Variants in GFRAL observed in about 807,000 individuals in gnomAD.
GFRAL encodes the protein GDNF family receptor alpha like.
A neutral mutation model predicts 45.4 loss-of-function variants in GFRAL; 36 were observed. The ratio of observed to expected loss-of-function variants is 0.79; its 90% CI spans 0.61 to 1.05. The LOEUF (loss-of-function observed/expected upper bound fraction) is 1.05. GFRAL is among the 50% of genes least tolerant of loss of function. The probability of loss-of-function intolerance (pLI) is 0.00; values close to 1 mark genes in which losing one functional copy is unlikely to be tolerated. For missense variants in GFRAL, 507 were observed against 467.5 expected, an observed-to-expected ratio of 1.08 and a Z score of -0.78; for synonymous variants, 166 against 154.1, an observed-to-expected ratio of 1.08 and a Z score of -0.57.
intron 3 of GFRAL, among the ~76,000 whole-genome samples, chr6:55,343,470 T>C (rs145626789): frequency 0.013 from 1,991 of 152,292 alleles, 23 homozygotes; most frequent in Non-Finnish European, 0.022. Context: ...AGATGTTCTT[T>C]GAAAACAATG....
rs1309495307 is a variant in GFRAL at position 55,346,841 on chromosome 6, C to A, written c.317-3251C>A. Among the ~76,000 whole-genome samples the A allele has an allele frequency of 2.7e-4, 21 of 76,432 alleles. 1 individual carries two copies. The highest frequency in any genetic ancestry group is 7.0e-4 in the African/African-American group (18 of 25,878). 50.1% of individuals were successfully genotyped at this position (76,432 alleles called of 152,430 possible). A position where few individuals can be genotyped will look rare whatever the true frequency, so the allele number is the denominator to read the frequency against. On this transcript the variant is annotated intron_variant, in intron 3 of 8. Coordinates refer to ENST00000340465, the MANE Select transcript of GFRAL (RefSeq NM_207410.2). ...AAAATAAACAAGAAATCCCCCCCCC[C>A]CAAAAAAAAGAAAAAACAAAGTAAG...
chr6:55,399,168 A>G lies in GFRAL; in HGVS notation c.953-12A>G, dbSNP rs1178570477. 2 of 1,430,724 alleles carry G rather than the reference A, an allele frequency of 1.4e-6. No homozygotes were observed. The highest frequency in any genetic ancestry group is 2.3e-5 in the East Asian group (1 of 43,356). 88.6% of individuals were successfully genotyped at this position (1,430,724 alleles called of 1,614,324 possible). ...ATATGTAACTAATCTCATTTTTATGATTTTCTTTCAGATTATCCAACCCTG... is the reference window on the plus strand; with the variant it reads ...ATATGTAACTAATCTCATTTTTATGGTTTTCTTTCAGATTATCCAACCCTG... On this transcript the variant is annotated splice_polypyrimidine_tract_variant and intron_variant, in intron 6 of 8. Transcript: ENST00000340465.
chr6:55,381,490 T>C (rs1768606945), intron 6 of GFRAL, among the ~76,000 whole-genome samples: 1 of 151,940 alleles, frequency 6.6e-6, no homozygotes, highest in African/African-American at 2.4e-5. Flanking sequence ...ACATTTCATC[T>C]GTCTACTCCC....
rs1344373150 is a variant in GFRAL at position 55,350,145 on chromosome 6, G to A, written c.370G>A (p.Gly124Arg). 3 of 1,520,184 alleles carry A rather than the reference G, an allele frequency of 2.0e-6. No homozygotes were observed. Among genetic ancestry groups the A allele is most frequent in the South Asian group, 2.3e-5 (2 of 88,846 alleles). 94.2% of individuals were successfully genotyped at this position (1,520,184 alleles called of 1,614,324 possible). A position where few individuals can be genotyped will look rare whatever the true frequency, so the allele number is the denominator to read the frequency against. The change falls in exon 4 of 9, where the codon GGA (glycine) becomes AGA (arginine). Residue 124 changes from glycine to arginine, a missense_variant and splice_region_variant. Gly to Arg is a moderately radical substitution (Grantham distance 125). Transcript: ENST00000340465. The part of the protein sequence containing the change: ...KWNLTTRSHH[G>R]FKGMWSCLEV... ...GAATCTAACTACACGTTCCCATCAT[G>A]GTAATGTTTTTAAGTTATTATTTTG...
intron 6 of GFRAL, among the ~76,000 whole-genome samples, chr6:55,368,594 T>C (rs1264911032): frequency 6.6e-6 from 1 of 152,158 alleles, no homozygotes; most frequent in East Asian, 1.9e-4. Context: ...TGGTCTTTGA[T>C]GATGGTGATG....
intron 6 of GFRAL, among the ~76,000 whole-genome samples, chr6:55,390,345 C>T: frequency 6.6e-6 from 1 of 152,170 alleles, no homozygotes; most frequent in East Asian, 1.9e-4. Context: ...CATACAAAAA[C>T]AAAGATTGAT....
chr6:55,393,244 C>G (rs1366407796), intron 6 of GFRAL, among the ~76,000 whole-genome samples: 1 of 152,010 alleles, frequency 6.6e-6, no homozygotes, highest in Non-Finnish European at 1.5e-5. Context: ...GTAATGTATG[C>G]CACTATATTA....
intron 6 of GFRAL, among the ~76,000 whole-genome samples, chr6:55,368,131 T>C (rs1469966324): frequency 6.7e-6 from 1 of 150,198 alleles, no homozygotes; most frequent in Non-Finnish European, 1.5e-5. Flanking sequence ...CTTGGAGGCT[T>C]TGCTCATTTC....
chr6:55,351,420 T>C lies in GFRAL; in HGVS notation c.538T>C (p.Phe180Leu). ...AIRFFYQNIP[F>L]NIAQMLAFCD... is the part of the protein sequence containing the mutation. ...ACGGTTCTTCTATCAAAATATACCT[T>C]TTAACATTGCCCAGATGTTGGCTTT... The change falls in exon 5 of 9, where the codon TTT becomes CTT. Residue 180 changes from phenylalanine to leucine, a missense_variant. Physicochemically the swap from Phe to Leu is conservative, Grantham distance 22. Transcript: ENST00000340465. 1.2e-6 allele frequency: 2 copies of C among 1,613,738 alleles called. No homozygotes were observed. Among genetic ancestry groups the C allele is most frequent in the Non-Finnish European group, 1.7e-6 (2 of 1,179,810 alleles).
chr6:55,375,105 G>T (rs536255840), intron 6 of GFRAL, among the ~76,000 whole-genome samples: 1 of 151,936 alleles, frequency 6.6e-6, no homozygotes, highest in Admixed American at 6.6e-5. Flanking sequence ...TGGCTATTTC[G>T]CTCTTTTTTT....
chr6:55,402,078 G>C lies in GFRAL; in HGVS notation c.*225G>C, dbSNP rs1409131917. On this transcript the variant is annotated 3_prime_UTR_variant, in exon 9 of 9. Transcript: ENST00000340465. ...TGCAACCTCTGCCTCCAAGGTTCAAGTGATTTTCCTGCCTCAGCCTTCCCG... is the reference window on the plus strand; with the variant it reads ...TGCAACCTCTGCCTCCAAGGTTCAACTGATTTTCCTGCCTCAGCCTTCCCG... 1.2e-5 allele frequency: 4 copies of C among 345,422 alleles called. No individual in the cohort carries two copies. Among genetic ancestry groups the C allele is most frequent in the Non-Finnish European group, 2.0e-5 (4 of 200,420 alleles). 21.4% of individuals were successfully genotyped at this position (345,422 alleles called of 1,614,324 possible).
At chr6:55,350,233 A>G (rs1768098418) in intron 4 of GFRAL, 88 bp downstream of exon 4, 1 of 747,852 alleles carries the variant, frequency 1.3e-6, no homozygotes, top group East Asian at 2.5e-5. Context: ...AGATAGGCCA[A>G]TACAGAACAA....
chr6:55,336,434 G>C (rs1767892429), intron 3 of GFRAL, among the ~76,000 whole-genome samples: 1 of 152,120 alleles, frequency 6.6e-6, no homozygotes, highest in Admixed American at 6.5e-5. Flanking sequence ...GTATTTGATA[G>C]TTTTCAGTAT....
chr6:55,384,758 A>G (rs566063359), intron 6 of GFRAL, among the ~76,000 whole-genome samples: 2 of 152,044 alleles, frequency 1.3e-5, no homozygotes, highest in South Asian at 4.1e-4. Flanking sequence ...TTGCAACTTT[A>G]GAGGTTCTTT....
In GFRAL at chr6:55,358,970, T is replaced by G. The variant is rs1768234829; in HGVS notation, c.784T>G (p.Leu262Val). ...CHEDENCIST[L>V]SKQDLTCSGS... ...TGAAGATGAGAATTGCATTAGCACCTTAAGCAAACAGGACCTCACTTGTTC... is the reference window on the plus strand; with the variant it reads ...TGAAGATGAGAATTGCATTAGCACCGTAAGCAAACAGGACCTCACTTGTTC... The change falls in exon 6 of 9, where the codon TTA becomes GTA. Residue 262 changes from leucine (L) to valine (V), a missense_variant. By Grantham distance (32) the Leu-to-Val change is conservative. Coordinates refer to ENST00000340465, the MANE Select transcript of GFRAL (RefSeq NM_207410.2). 2 of 1,613,018 alleles carry G rather than the reference T, an allele frequency of 1.2e-6. No individual in the cohort carries two copies. The highest frequency in any genetic ancestry group is 1.7e-5 in the Admixed American group (1 of 59,832).
At chr6:55,371,403 T>C (rs1043192653) in intron 6 of GFRAL, among the ~76,000 whole-genome samples, 3 of 152,234 alleles carry the variant, frequency 2.0e-5, no homozygotes, top group African/African-American at 7.2e-5. Context: ...ATCACAGTTT[T>C]GTTTCTTTTG....
At chr6:55,331,482 GAATA>G (rs1306418762) in intron 1 of GFRAL, among the ~76,000 whole-genome samples, 1 of 151,832 alleles carries the variant, frequency 6.6e-6, no homozygotes, top group Non-Finnish European at 1.5e-5. Context: ...ATAAGTTGAG[GAATA>G]AATAGATGAT....
chr6:55,387,225 A>G (rs1365287344), intron 6 of GFRAL, among the ~76,000 whole-genome samples: 6 of 152,188 alleles, frequency 3.9e-5, no homozygotes, highest in Non-Finnish European at 8.8e-5. Flanking sequence ...TACTGTTGCA[A>G]TTTGAACAAT....
intron 6 of GFRAL, among the ~76,000 whole-genome samples, chr6:55,392,369 A>G (rs3916086): frequency 0.75 from 113,441 of 152,138 alleles, 43,187 homozygotes; most frequent in Non-Finnish European, 0.84. Flanking sequence ...AATTACTTAC[A>G]TAGGTAACCT....
Sources: allele counts gnomAD v4.1 joint callset (sites outside exome capture counted in the v4.1 genomes callset), GRCh38; gene constraint gnomAD v4.1.1; transcripts MANE v1.5; gene names NCBI Gene and HGNC (gene_info 2026-07-23, HGNC 2026-07-21).